Variants in CAMKMT observed in about 807,000 individuals in gnomAD.
The protein encoded by CAMKMT is calmodulin-lysine N-methyltransferase.
A neutral mutation model predicts 48.0 loss-of-function variants in CAMKMT; 53 were observed. The observed-to-expected ratio is 1.10, with a 90% CI of 0.89 to 1.39. CAMKMT has a LOEUF of 1.39. Ranked by LOEUF, CAMKMT falls within the 40% of genes most tolerant of loss-of-function variation. The probability of loss-of-function intolerance (pLI) is 0.00; values close to 1 mark genes in which losing one functional copy is unlikely to be tolerated. For synonymous variants in CAMKMT, 165 were observed against 152.3 expected, an observed-to-expected ratio of 1.08 and a Z score of -0.61; for missense variants, 428 against 402.7, an observed-to-expected ratio of 1.06 and a Z score of -0.54.
At chr2:44,427,646 G>A (rs1684357474) in intron 3 of CAMKMT, among the ~76,000 whole-genome samples, 1 of 152,072 alleles carries the variant, frequency 6.6e-6, no homozygotes, top group Admixed American at 6.5e-5. Context: ...ACCACCACAA[G>A]TATCCCCTGT....
intron 2 of CAMKMT, among the ~76,000 whole-genome samples, chr2:44,374,542 A>G (rs1679489949): frequency 6.6e-6 from 1 of 152,218 alleles, no homozygotes; most frequent in Admixed American, 6.5e-5. Flanking sequence ...ATTTCCTGAC[A>G]TCTTCAAGGC....
At chr2:44,714,290 G>T (rs1308182254) in intron 6 of CAMKMT, among the ~76,000 whole-genome samples, 3 of 152,178 alleles carry the variant, frequency 2.0e-5, no homozygotes, top group African/African-American at 7.2e-5. Flanking sequence ...CCCTTGATCT[G>T]CAGACCAGCC....
At chr2:44,375,194 A>T (rs1416666559) in intron 2 of CAMKMT, among the ~76,000 whole-genome samples, 5 of 151,192 alleles carry the variant, frequency 3.3e-5, no homozygotes, top group African/African-American at 1.2e-4. Flanking sequence ...TTTGTTTTTT[A>T]ATATTACTTG....
At chr2:44,506,619 C>T (rs1208418802) in intron 3 of CAMKMT, among the ~76,000 whole-genome samples, 1 of 152,064 alleles carries the variant, frequency 6.6e-6, no homozygotes, top group Non-Finnish European at 1.5e-5. Context: ...TGTAGGGGGA[C>T]TCTATGAATA....
Position 44,402,325 on chromosome 2 carries a change from TC to T in CAMKMT, c.376+12021del, listed in dbSNP as rs1558581633. ...GCTTGGGTGACACAGCAAGACTCTG[TC>T]TAAAAAAAAAAAAAAAAAAAAAGAT... On this transcript the variant is annotated intron_variant, in intron 3 of 10. Transcript: ENST00000378494. Among the ~76,000 whole-genome samples the T allele has an allele frequency of 2.7e-4, 11 of 40,546 alleles. No homozygotes were observed. In the South Asian group the frequency reaches 4.9e-3, roughly 18 times the overall value. The allele number at this position is 40,546 out of a possible 152,430, so 26.6% of individuals were successfully genotyped here.
intron 3 of CAMKMT, among the ~76,000 whole-genome samples, chr2:44,516,498 G>A (rs967902649): frequency 2.7e-4 from 41 of 151,912 alleles, no homozygotes; most frequent in African/African-American, 9.4e-4. Flanking sequence ...AAAAAATTTT[G>A]TCCCTCTCTA....
intron 3 of CAMKMT, among the ~76,000 whole-genome samples, chr2:44,591,050 G>T (rs990795112): frequency 3.6e-4 from 55 of 152,194 alleles, no homozygotes; most frequent in African/African-American, 1.3e-3. Flanking sequence ...GTTTGTCAAA[G>T]ATCAGATAGT....
chr2:44,574,701 A>G (rs192588508), intron 3 of CAMKMT, among the ~76,000 whole-genome samples: 1 of 152,118 alleles, frequency 6.6e-6, no homozygotes, highest in Non-Finnish European at 1.5e-5. Flanking sequence ...CATCATTACT[A>G]CAGAGTGCTC....
chr2:44,422,135 T>C (rs1363765689), intron 3 of CAMKMT, among the ~76,000 whole-genome samples: 1 of 152,196 alleles, frequency 6.6e-6, no homozygotes, highest in Non-Finnish European at 1.5e-5. Flanking sequence ...CATTGCTTGG[T>C]GCCGTCCTTG....
chr2:44,568,177 A>G (rs779731470), intron 3 of CAMKMT, among the ~76,000 whole-genome samples: 4 of 152,156 alleles, frequency 2.6e-5, no homozygotes, highest in Non-Finnish European at 5.9e-5. Context: ...AACAATGGGA[A>G]GAGCATAGGC....
At chr2:44,535,094 A>G (rs1666695991) in intron 3 of CAMKMT, among the ~76,000 whole-genome samples, 2 of 152,268 alleles carry the variant, frequency 1.3e-5, no homozygotes, top group African/African-American at 4.8e-5. Context: ...GAAATACAAA[A>G]GATATCAGAG....
intron 3 of CAMKMT, among the ~76,000 whole-genome samples, chr2:44,413,832 A>G (rs73924757): frequency 0.02 from 3,103 of 152,304 alleles, 111 homozygotes; most frequent in African/African-American, 0.07. Context: ...ATTTGGAACT[A>G]CCATACTGTT....
chr2:44,414,927 G>A (rs570416140), intron 3 of CAMKMT, among the ~76,000 whole-genome samples: 1 of 152,292 alleles, frequency 6.6e-6, no homozygotes, highest in East Asian at 1.9e-4. Flanking sequence ...AGGCCGAGGC[G>A]GGCGGATCAC....
intron 3 of CAMKMT, among the ~76,000 whole-genome samples, chr2:44,576,833 CAATT>C (rs1469435378): frequency 6.6e-6 from 1 of 152,268 alleles, no homozygotes; most frequent in East Asian, 1.9e-4. Context: ...TAATTATTGA[CAATT>C]AAATAGCCCC....
intron 3 of CAMKMT, among the ~76,000 whole-genome samples, chr2:44,628,756 T>C (rs1672638834): frequency 6.6e-6 from 1 of 152,210 alleles, no homozygotes; most frequent in Non-Finnish European, 1.5e-5. Context: ...ATGTTTCTTA[T>C]GATTTATTCT....
At chr2:44,534,191 G>T (rs1288919898) in intron 3 of CAMKMT, among the ~76,000 whole-genome samples, 1 of 152,064 alleles carries the variant, frequency 6.6e-6, no homozygotes, top group Non-Finnish European at 1.5e-5. Context: ...TAATATATAT[G>T]CACCCAACAC....
intron 3 of CAMKMT, among the ~76,000 whole-genome samples, chr2:44,615,484 A>T (rs1163975747): frequency 6.6e-6 from 1 of 152,156 alleles, no homozygotes; most frequent in African/African-American, 2.4e-5. Flanking sequence ...CTGCTTGGAT[A>T]TGGTAACCAA....
rs559629258 is a variant in CAMKMT, at chr2:44,550,027, T to G, written c.377-154256T>G. ...GGAAGGGAAATGTGGAGAAAAGGAA[T>G]GTGTGTGTAGTCATATTCACAAAAA... On this transcript the variant is annotated intron_variant, in intron 3 of 10. Transcript: ENST00000378494. 4.6e-5 allele frequency among the ~76,000 whole-genome samples: 7 copies of G among 152,332 alleles called. No individual in the cohort carries two copies. The East Asian group carries it at 1.2e-3, about 25-fold the overall frequency.
At chr2:44,410,362 C>T (rs1214135566) in intron 3 of CAMKMT, among the ~76,000 whole-genome samples, 1 of 146,334 alleles carries the variant, frequency 6.8e-6, no homozygotes, top group Non-Finnish European at 1.5e-5. Context: ...GGTTCACCCC[C>T]TTCTCCTGCC....
Sources: gnomAD v4.1 joint callset for allele counts (sites outside exome capture counted in the v4.1 genomes callset) on GRCh38, gnomAD v4.1.1 for gene constraint, MANE v1.5 for transcripts, NCBI Gene and HGNC (gene_info 2026-07-23, HGNC 2026-07-21) for gene names.